RIN3: variants seen among roughly 807,000 people sequenced by gnomAD.
The protein encoded by RIN3 is RAB5 interacting protein 3.
Under a neutral mutation model 76.3 loss-of-function variants are expected in RIN3, and 54 were observed. The ratio of observed to expected loss-of-function variants is 0.71; its 90% CI spans 0.57 to 0.89. The LOEUF is 0.89. Ranked by LOEUF, RIN3 falls within the 40% of genes least tolerant of loss-of-function variation. RIN3 has a pLI of 0.00. For synonymous variants in RIN3, 576 were observed against 564.0 expected (o/e 1.02, Z -0.30); for missense variants, 1,256 against 1,322.1 (o/e 0.95, Z 0.78).
Position 92,652,426 on chromosome 14 carries a change from G to GC in RIN3, c.1383dup (p.Arg462GlnfsTer21). On this transcript the variant is annotated frameshift_variant, in exon 6 of 10. Coordinates refer to ENST00000216487, the MANE Select transcript of RIN3 (RefSeq NM_024832.5). LOFTEE classifies it high-confidence loss of function. This position sits in a 1 kb window ranked among gnomAD's most constrained non-coding sequence, Gnocchi z 6.4. The stretch of plus-strand genomic sequence containing the variant: ...GGACAGCCAAACAACCCCCAGTCCC[G>GC]CCCCCCAGGAAAAAACGGATCTCTC... 3.1e-6 allele frequency: 5 copies of GC among 1,613,266 alleles called. No homozygotes were observed. Among genetic ancestry groups the GC allele is most frequent in the Non-Finnish European group, 3.4e-6 (4 of 1,179,822 alleles).
chr14:92,554,656 C>T (rs1324241600), intron 1 of RIN3, among the ~76,000 whole-genome samples: 1 of 152,230 alleles, frequency 6.6e-6, no homozygotes, highest in East Asian at 1.9e-4. Context: ...CACGATGGTT[C>T]ACACCTGTAA....
intron 1 of RIN3, among the ~76,000 whole-genome samples, chr14:92,546,388 A>G (rs1311301125): frequency 1.3e-5 from 2 of 152,132 alleles, no homozygotes; most frequent in East Asian, 3.8e-4. Flanking sequence ...ACTATTCTCT[A>G]CTTGCTGTTT....
chr14:92,522,015 G>A (rs1468116455), intron 1 of RIN3, among the ~76,000 whole-genome samples: 1 of 152,088 alleles, frequency 6.6e-6, no homozygotes, highest in Non-Finnish European at 1.5e-5. Flanking sequence ...GTGTGTGGGA[G>A]CCCTAAGAAT....
At chr14:92,572,567 G>A (rs1355798658) in intron 2 of RIN3, among the ~76,000 whole-genome samples, 4 of 152,150 alleles carry the variant, frequency 2.6e-5, no homozygotes, top group African/African-American at 4.8e-5. Context: ...GGTCAGGGAG[G>A]GGACTCTCCT....
chr14:92,685,410 T>C lies in RIN3; in HGVS notation c.2631+260T>C. 2.1e-6 allele frequency: 1 copy of C among 483,186 alleles called. No individual in the cohort carries two copies. Among genetic ancestry groups the C allele is most frequent in the East Asian group, 3.3e-5 (1 of 30,074 alleles). 29.9% of individuals were successfully genotyped at this position (483,186 alleles called of 1,614,324 possible). On this transcript the variant is annotated intron_variant, in intron 9 of 9. Transcript: ENST00000216487. This position sits in a 1 kb window ranked among gnomAD's most constrained non-coding sequence, Gnocchi z 4.7. ...GCAAGCAGGAAGGGTGCAGGAGGAA[T>C]GAGACACACCCATCATTCCTTAGCC...
At chr14:92,562,484 G>A (rs187017310) in intron 2 of RIN3, among the ~76,000 whole-genome samples, 1 of 152,262 alleles carries the variant, frequency 6.6e-6, no homozygotes, top group Non-Finnish European at 1.5e-5. Context: ...CAAGAGATTT[G>A]CCTCTTCTCT....
chr14:92,531,883 C>A (rs1896889802), intron 1 of RIN3, among the ~76,000 whole-genome samples: 1 of 151,814 alleles, frequency 6.6e-6, no homozygotes, highest in South Asian at 2.1e-4. Context: ...TAAACCCCTC[C>A]CCCCAGTAAG....
chr14:92,566,631 C>T (rs1386526669), intron 2 of RIN3, among the ~76,000 whole-genome samples: 2 of 152,114 alleles, frequency 1.3e-5, no homozygotes, highest in Non-Finnish European at 2.9e-5. Context: ...GGGGAGCTAA[C>T]TCAGTAAGTA....
chr14:92,641,409 T>G, intron 5 of RIN3, 80 bp downstream of exon 5: 1 of 1,063,734 alleles, frequency 9.4e-7, no homozygotes. Context: ...GGGCCGCCTG[T>G]GCAGAGGGAC....
intron 3 of RIN3, among the ~76,000 whole-genome samples, chr14:92,579,445 A>C (rs1483338223): frequency 1.3e-5 from 2 of 152,388 alleles, no homozygotes; most frequent in East Asian, 3.9e-4. Context: ...TGGTTGAGTC[A>C]GATCTCTTTC....
intron 3 of RIN3, among the ~76,000 whole-genome samples, chr14:92,599,173 G>A (rs953697383): frequency 6.6e-6 from 1 of 152,176 alleles, no homozygotes; most frequent in Non-Finnish European, 1.5e-5. Flanking sequence ...TGGCCCTGGG[G>A]AACCCCAGCG....
chr14:92,573,177 C>T (rs769987597), intron 2 of RIN3, among the ~76,000 whole-genome samples: 38 of 152,040 alleles, frequency 2.5e-4, no homozygotes, highest in Non-Finnish European at 5.0e-4. Context: ...CCACCGTGCC[C>T]GGCCAAAAGG....
At chr14:92,572,940 A>G (rs1432192687) in intron 2 of RIN3, among the ~76,000 whole-genome samples, 2 of 133,568 alleles carry the variant, frequency 1.5e-5, no homozygotes, top group Non-Finnish European at 3.0e-5. Flanking sequence ...GGAGTACAGT[A>G]GTGCAATCTT....
chr14:92,672,296 C>T (rs1267346265), intron 7 of RIN3, among the ~76,000 whole-genome samples: 1 of 151,966 alleles, frequency 6.6e-6, no homozygotes, highest in Non-Finnish European at 1.5e-5. Context: ...CCTATAATGC[C>T]AGCTACTCAG....
chr14:92,614,265 G>A lies in RIN3; in HGVS notation c.368-1142G>A, dbSNP rs185430634. Among the ~76,000 whole-genome samples the A allele has an allele frequency of 9.7e-4, 147 of 152,316 alleles. 2 individuals carry two copies. In the East Asian group the frequency reaches 0.019, roughly 20 times the overall value. ...GTTCTGAGAGGCCCTGGAGATCTGG[G>A]TGACAGGCCAGTGGCCCCACTTCAG... On this transcript the variant is annotated intron_variant, in intron 3 of 9. Coordinates refer to ENST00000216487, the MANE Select transcript of RIN3 (RefSeq NM_024832.5).
At chr14:92,577,525 A>AGCCTCTCTGCT in intron 3 of RIN3, 48 bp downstream of exon 3, 2 of 1,180,804 alleles carry the variant, frequency 1.7e-6, no homozygotes, top group Non-Finnish European at 2.5e-6. Context: ...CGGCAGCAGC[A>AGCCTCTCTGCT]GCAGCAGAGA....
At chr14:92,637,471 G>T (rs771706341) in intron 4 of RIN3, among the ~76,000 whole-genome samples, 29 of 152,160 alleles carry the variant, frequency 1.9e-4, no homozygotes, top group Non-Finnish European at 3.8e-4. Context: ...CTCCTGCTGT[G>T]CAGCTCGGTT....
Position 92,595,224 on chromosome 14 carries a change from GAA to G in RIN3, c.367+17752_367+17753del, listed in dbSNP as rs796407313. 9.6e-4 allele frequency among the ~76,000 whole-genome samples: 146 copies of G among 152,204 alleles called. 1 individual carries two copies. Among genetic ancestry groups the G allele is most frequent in the African/African-American group, 3.2e-3 (135 of 41,542 alleles). ...TGATCAAAATGAGCCAAGGGAGAAGGAAAAAAGAGAGGGTTGCAGGAATGGCA... is the reference window on the plus strand; with the variant it reads ...TGATCAAAATGAGCCAAGGGAGAAGGAAAAGAGAGGGTTGCAGGAATGGCA... On this transcript the variant is annotated intron_variant, in intron 3 of 9. Transcript: ENST00000216487.
At position 92,577,380 on chromosome 14, in the gene RIN3, C is replaced by T. The variant is rs1307197660; in HGVS notation, c.270C>T (p.Asp90=). The change falls in exon 3 of 10, where the codon GAC becomes GAT. Residue 90 remains aspartate, a synonymous_variant. Coordinates refer to ENST00000216487, the MANE Select transcript of RIN3 (RefSeq NM_024832.5). Reference sequence around the variant, plus strand: ...TTCAGATGTTCCTGGTTCGCCGGGACAGCAGCTCGAAGCAGCTGGTGCTCT... The same window carrying T: ...TTCAGATGTTCCTGGTTCGCCGGGATAGCAGCTCGAAGCAGCTGGTGCTCT... The part of the protein sequence containing the change: ...VVAGMFLVRR[D]SSSKQLVLCV... The T allele has an allele frequency of 1.9e-6, 3 of 1,613,476 alleles. No homozygotes were observed. Among genetic ancestry groups the T allele is most frequent in the Middle Eastern group, 1.7e-4 (1 of 6,052 alleles).
Sources: allele counts gnomAD v4.1 joint callset (sites outside exome capture counted in the v4.1 genomes callset), GRCh38; gene constraint gnomAD v4.1.1; non-coding constraint Gnocchi (gnomAD v3.1); transcripts MANE v1.5; gene names NCBI Gene and HGNC (gene_info 2026-07-23, HGNC 2026-07-21).